ADGRG5: variants seen among roughly 807,000 people sequenced by gnomAD.
ADGRG5 encodes the protein adhesion G protein-coupled receptor G5.
A neutral mutation model predicts 53.2 loss-of-function variants in ADGRG5; 37 were observed. That is an observed-to-expected ratio of 0.70 (90% CI 0.53 to 0.91). The LOEUF (loss-of-function observed/expected upper bound fraction) is 0.91, where lower values mean the gene tolerates loss of function less well. Ranked by LOEUF, ADGRG5 falls within the 40% of genes least tolerant of loss-of-function variation. The pLI, the probability that ADGRG5 is intolerant of heterozygous loss-of-function variation, is 0.00. For missense variants in ADGRG5, 614 were observed against 675.8 expected (o/e 0.91, Z 1.01); for synonymous variants, 277 against 290.4 (o/e 0.95, Z 0.47).
intron 1 of ADGRG5, among the ~76,000 whole-genome samples, chr16:57,547,993 C>T (rs982961727): frequency 9.9e-5 from 15 of 152,088 alleles, no homozygotes; most frequent in Non-Finnish European, 1.6e-4. Context: ...AGTGATTTGC[C>T]CACCTAGGCC....
chr16:57,573,536 T>C (rs182270587), intron 10 of ADGRG5, among the ~76,000 whole-genome samples: 6 of 151,872 alleles, frequency 4.0e-5, no homozygotes, highest in Admixed American at 6.6e-5. Flanking sequence ...GGCCAGAGCA[T>C]AGGGCCTCAA....
chr16:57,543,924 A>G (rs1338338925), intron 1 of ADGRG5, among the ~76,000 whole-genome samples: 1 of 152,166 alleles, frequency 6.6e-6, no homozygotes, highest in African/African-American at 2.4e-5. Context: ...GCCTCATTTT[A>G]CAGATGAGAA....
Position 57,574,808 on chromosome 16 carries a change from C to T in ADGRG5, c.1209-7C>T. 1.3e-6 allele frequency: 2 copies of T among 1,561,674 alleles called. No individual in the cohort carries two copies. Among genetic ancestry groups the T allele is most frequent in the Non-Finnish European group, 1.7e-6 (2 of 1,150,730 alleles). ...CTGTGAGCCTGACACGTCACCCTCC[C>T]CTGCAGATGCTGGGTGCGGAGCCCC... is the stretch of plus-strand genomic sequence containing the variant. On this transcript the variant is annotated splice_region_variant and splice_polypyrimidine_tract_variant and intron_variant, in intron 10 of 11. Transcript: ENST00000349457. This position sits in a 1 kb window ranked among gnomAD's most constrained non-coding sequence, Gnocchi z 4.4.
chr16:57,561,854 T>A (rs1384781119), intron 1 of ADGRG5, among the ~76,000 whole-genome samples: 1 of 151,704 alleles, frequency 6.6e-6, no homozygotes, highest in Admixed American at 6.6e-5. Context: ...GGTCAAGGAT[T>A]CTGGAGTCTT....
chr16:57,551,359 G>A (rs952493490), intron 1 of ADGRG5, among the ~76,000 whole-genome samples: 4 of 152,302 alleles, frequency 2.6e-5, no homozygotes, highest in Non-Finnish European at 5.9e-5. Flanking sequence ...TCACGGTAGA[G>A]CTTCATTCAA....
At chr16:57,558,709 G>A (rs529179738) in intron 1 of ADGRG5, among the ~76,000 whole-genome samples, 1 of 152,262 alleles carries the variant, frequency 6.6e-6, no homozygotes, top group East Asian at 1.9e-4. Context: ...TGCCTTATTG[G>A]TTGGGGGATC....
chr16:57,536,219 G>T, the ADGRG5 span, among the ~76,000 whole-genome samples: 2 of 134,506 alleles, frequency 1.5e-5, no homozygotes, highest in Admixed American at 7.2e-5. Context: ...GCCCCCTCCC[G>T]TCCGGCCCGG....
chr16:57,546,539 A>G (rs1211605142), intron 1 of ADGRG5, among the ~76,000 whole-genome samples: 2 of 152,324 alleles, frequency 1.3e-5, no homozygotes, highest in East Asian at 1.9e-4. Context: ...TTACATGCAA[A>G]TATTTTTCCT....
intron 1 of ADGRG5, among the ~76,000 whole-genome samples, chr16:57,544,004 G>T (rs1360565655): frequency 1.3e-5 from 2 of 152,186 alleles, no homozygotes; most frequent in Non-Finnish European, 2.9e-5. Context: ...ACTGCAACTG[G>T]TTATCAAATT....
intron 2 of ADGRG5, 95 bp from the exon 3 acceptor site, chr16:57,562,289 G>A: frequency 1.4e-6 from 2 of 1,413,446 alleles, no homozygotes; most frequent in Non-Finnish European, 2.0e-6. Context: ...GGAGCTGCTT[G>A]TGAACTAGAC....
Position 57,566,677 on chromosome 16 carries a change from T to G in ADGRG5, c.625T>G (p.Cys209Gly), listed in dbSNP as rs376486358. 140 of 1,594,062 alleles carry G rather than the reference T, an allele frequency of 8.8e-5. No individual in the cohort carries two copies. Among genetic ancestry groups the G allele is most frequent in the Non-Finnish European group, 1.1e-4 (133 of 1,171,140 alleles). Residue 209 changes from cysteine to glycine, a missense_variant, in exon 7 of 12, where the codon TGT becomes GGT. Coordinates refer to ENST00000349457, the MANE Select transcript of ADGRG5 (RefSeq NM_001304376.3). ...CTGGGGGGGCTGGAGCCCTGAGGGCTGTCGTACAGAGCAGCCCTCCCACTC... is the reference window on the plus strand; with the variant it reads ...CTGGGGGGGCTGGAGCCCTGAGGGCGGTCGTACAGAGCAGCCCTCCCACTC... ...QPWGGWSPEG[C>G]RTEQPSHSQV...
At chr16:57,547,732 C>T (rs1394301252) in intron 1 of ADGRG5, among the ~76,000 whole-genome samples, 1 of 151,944 alleles carries the variant, frequency 6.6e-6, no homozygotes, top group African/African-American at 2.4e-5. Context: ...CAGGCGTGAG[C>T]CACTGCGCCC....
chr16:57,544,123 G>C (rs1220126933), intron 1 of ADGRG5, among the ~76,000 whole-genome samples: 1 of 152,136 alleles, frequency 6.6e-6, no homozygotes, highest in Non-Finnish European at 1.5e-5. Context: ...ACCATCTTTG[G>C]GAGGCTGCAG....
At chr16:57,551,545 T>G (rs1447139008) in intron 1 of ADGRG5, among the ~76,000 whole-genome samples, 1 of 152,214 alleles carries the variant, frequency 6.6e-6, no homozygotes, top group African/African-American at 2.4e-5. Flanking sequence ...TCCATTCAAG[T>G]TTGATCATGA....
upstream of ADGRG5, among the ~76,000 whole-genome samples, chr16:57,538,612 C>T (rs562148616): frequency 1.3e-5 from 2 of 152,154 alleles, no homozygotes; most frequent in Admixed American, 1.3e-4. Flanking sequence ...TCTAGAACAA[C>T]ACCCCCAGGC....
At chr16:57,559,431 C>T (rs2032953135) in intron 1 of ADGRG5, among the ~76,000 whole-genome samples, 1 of 152,326 alleles carries the variant, frequency 6.6e-6, no homozygotes, top group South Asian at 2.1e-4. Context: ...TGGGGCCTCT[C>T]TCAGGCCCTG....
intron 1 of ADGRG5, among the ~76,000 whole-genome samples, chr16:57,552,888 T>A (rs2032787508): frequency 6.6e-6 from 1 of 152,146 alleles, no homozygotes; most frequent in Non-Finnish European, 1.5e-5. Context: ...TAAGAGGCCA[T>A]TGTAGAGTTA....
chr16:57,537,654 A>G (rs1288421631), upstream of ADGRG5, among the ~76,000 whole-genome samples: 1 of 152,036 alleles, frequency 6.6e-6, no homozygotes, highest in Non-Finnish European at 1.5e-5. Flanking sequence ...TTGATAGTCC[A>G]GTGCCTTTTT....
chr16:57,556,853 G>A (rs1324269053), intron 1 of ADGRG5, among the ~76,000 whole-genome samples: 3 of 150,494 alleles, frequency 2.0e-5, no homozygotes, highest in Non-Finnish European at 2.9e-5. Context: ...CAATCTGCTG[G>A]CAATGAATTC....
Sources: gnomAD v4.1 joint callset for allele counts (sites outside exome capture counted in the v4.1 genomes callset) on GRCh38, gnomAD v4.1.1 for gene constraint, Gnocchi (gnomAD v3.1) non-coding constraint, MANE v1.5 for transcripts, NCBI Gene and HGNC (gene_info 2026-07-23, HGNC 2026-07-21) for gene names.